Variants in CUL4A observed in about 807,000 individuals in gnomAD.
The protein encoded by CUL4A is cullin-4A.
CUL4A carries 16 observed loss-of-function variants against 95.5 expected under a neutral mutation model. The ratio of observed to expected loss-of-function variants is 0.17; its 90% CI spans 0.11 to 0.25. CUL4A has a LOEUF of 0.25. Among genes scored for constraint, CUL4A ranks in the 10% least tolerant of loss-of-function variants. The pLI is 1.00. For missense variants in CUL4A, 610 were observed against 937.0 expected, an observed-to-expected ratio of 0.65 and a Z score of 4.56; for synonymous variants, 380 against 353.1, an observed-to-expected ratio of 1.08 and a Z score of -0.85.
intron 10 of CUL4A, among the ~76,000 whole-genome samples, chr13:113,241,236 A>AGTTCACC (rs2041700979): frequency 6.6e-6 from 1 of 152,238 alleles, no homozygotes; most frequent in African/African-American, 2.4e-5. Context: ...AACTAGGAAA[A>AGTTCACC]GTTCACCTTT....
At chr13:113,209,888 G>A (rs1052364232) in intron 1 of CUL4A, 85 bp from the exon 2 acceptor site, 1 of 1,201,954 alleles carries the variant, frequency 8.3e-7, no homozygotes, top group Non-Finnish European at 1.0e-6. Context: ...GAGCGGGGGC[G>A]CCGGGGCGCC....
chr13:113,233,211 A>G lies in CUL4A; in HGVS notation c.547A>G (p.Ile183Val). ...MGLELFRTHI[I>V]SDKMVQSKTI... is the part of the protein sequence containing the mutation. ...ATTAGAACTGTTTAGAACCCATATT[A>G]TTAGTGATAAAATGGTTCAGAGTAA... Residue 183 changes from isoleucine (I) to valine (V), a missense_variant, in exon 6 of 20, where the codon ATT (isoleucine) becomes GTT (valine). Ile to Val is a conservative substitution (Grantham distance 29). This residue lies in a region of CUL4A where 97 missense variants were observed against 100.3 expected (regional missense o/e 0.97). Transcript: ENST00000375440. The G allele has an allele frequency of 8.7e-6, 14 of 1,614,148 alleles. No individual in the cohort carries two copies. The highest frequency in any genetic ancestry group is 1.2e-5 in the Non-Finnish European group (14 of 1,179,996).
chr13:113,211,369 C>T (rs1399182472), intron 2 of CUL4A, among the ~76,000 whole-genome samples: 2 of 152,126 alleles, frequency 1.3e-5, no homozygotes, highest in African/African-American at 2.4e-5. Flanking sequence ...ATTTGGGTGT[C>T]CATGTTTGGG....
chr13:113,238,891 T>G (rs1163866743), intron 9 of CUL4A, among the ~76,000 whole-genome samples: 1 of 152,236 alleles, frequency 6.6e-6, no homozygotes, highest in Non-Finnish European at 1.5e-5. Context: ...CTATGAGAGT[T>G]TTTCTCATTG....
intron 9 of CUL4A, among the ~76,000 whole-genome samples, chr13:113,238,377 G>A (rs995138624): frequency 6.6e-6 from 1 of 151,882 alleles, no homozygotes; most frequent in Admixed American, 6.6e-5. Flanking sequence ...CTTTGGCCCA[G>A]GGGGTTAAGG....
chr13:113,224,478 G>T (rs2041028151), intron 3 of CUL4A, among the ~76,000 whole-genome samples: 1 of 152,222 alleles, frequency 6.6e-6, no homozygotes, highest in African/African-American at 2.4e-5. Flanking sequence ...GCCACAGAAT[G>T]CCAGGCAGTG....
intron 5 of CUL4A, among the ~76,000 whole-genome samples, chr13:113,230,441 A>G (rs544027203): frequency 3.3e-4 from 51 of 152,298 alleles, no homozygotes; most frequent in African/African-American, 1.2e-3. Flanking sequence ...GCTCCCATTA[A>G]TGCCATTTGC....
chr13:113,251,046 G>T (rs544551404), intron 15 of CUL4A, among the ~76,000 whole-genome samples: 3 of 152,322 alleles, frequency 2.0e-5, no homozygotes, highest in East Asian at 3.9e-4. Context: ...GTCAAGTCTA[G>T]AGAGCAGCAG....
intron 18 of CUL4A, among the ~76,000 whole-genome samples, chr13:113,256,182 A>G (rs2042115434): frequency 6.6e-6 from 1 of 152,162 alleles, no homozygotes; most frequent in African/African-American, 2.4e-5. Context: ...ACCTGGGATC[A>G]CTGTACATAT....
intron 2 of CUL4A, 76 bp from the exon 3 acceptor site, chr13:113,218,869 A>AT: frequency 2.2e-6 from 2 of 920,870 alleles, no homozygotes; most frequent in South Asian, 3.1e-5. Flanking sequence ...GATTACAGCT[A>AT]TGTTAACAAT....
intron 2 of CUL4A, among the ~76,000 whole-genome samples, chr13:113,214,684 C>T (rs1436525569): frequency 6.6e-6 from 1 of 152,130 alleles, no homozygotes; most frequent in Admixed American, 6.5e-5. Flanking sequence ...GCCAGGCTGT[C>T]TTTCTTGAGT....
intron 11 of CUL4A, among the ~76,000 whole-genome samples, chr13:113,243,998 G>A (rs993851768): frequency 1.3e-5 from 2 of 151,006 alleles, no homozygotes; most frequent in African/African-American, 2.4e-5. Context: ...TTCACCCTGC[G>A]TTGCCACCTT....
chr13:113,239,618 A>G, intron 10 of CUL4A, 67 bp downstream of exon 10: 2 of 1,219,778 alleles, frequency 1.6e-6, no homozygotes, highest in South Asian at 2.8e-5. Flanking sequence ...CCTCCTGAGA[A>G]CGCCTAGTGT....
chr13:113,230,809 T>C lies in CUL4A; in HGVS notation c.512+1290T>C, dbSNP rs752646851. Among the ~76,000 whole-genome samples, 376 of 152,256 alleles carry C rather than the reference T, an allele frequency of 2.5e-3. 3 individuals carry two copies. Among genetic ancestry groups the C allele is most frequent in the Admixed American group, 6.6e-3 (101 of 15,288 alleles). ...TTTTAGAGACAGGGTCTCACTCTGT[T>C]ACCCAGGCTGGAGTGCAGTGGCACA... On this transcript the variant is annotated intron_variant, in intron 5 of 19. Transcript: ENST00000375440.
At chr13:113,208,727 C>T (rs1272852323), upstream of CUL4A, 1 of 1,493,328 alleles carries the variant, frequency 6.7e-7, no homozygotes, top group Non-Finnish European at 8.9e-7. Flanking sequence ...GGTCCTGGCG[C>T]CCCCGGCCCC....
At chr13:113,209,364 G>T (rs1256818330), upstream of CUL4A, among the ~76,000 whole-genome samples, 3 of 148,786 alleles carry the variant, frequency 2.0e-5, no homozygotes, top group Non-Finnish European at 3.0e-5. Flanking sequence ...CCCTCAGGAC[G>T]GGAGTCCCGG....
At chr13:113,262,186 A>G (rs2042298684) in intron 19 of CUL4A, among the ~76,000 whole-genome samples, 1 of 152,254 alleles carries the variant, frequency 6.6e-6, no homozygotes, top group African/African-American at 2.4e-5. Flanking sequence ...GTAAGTGCTC[A>G]CACAGATTTT....
chr13:113,209,858 G>T, intron 1 of CUL4A, 83 bp downstream of exon 1: 1 of 1,095,802 alleles, frequency 9.1e-7, no homozygotes, highest in Non-Finnish European at 1.1e-6. Context: ...GGAAGGCCCC[G>T]AGATCCGTGC....
rs572623761 is a variant in CUL4A, at chr13:113,249,785, T to C, written c.1639-3297T>C. Reference sequence around the variant, plus strand: ...TGATCTGCCTCTTTCGTTGTAGCCATCCCTGTCCATATGAGCTGGTCTCTC... The same window carrying C: ...TGATCTGCCTCTTTCGTTGTAGCCACCCCTGTCCATATGAGCTGGTCTCTC... On this transcript the variant is annotated intron_variant, in intron 15 of 19. Coordinates refer to ENST00000375440, the MANE Select transcript of CUL4A (RefSeq NM_001008895.4). Among the ~76,000 whole-genome samples the C allele has an allele frequency of 1.5e-3, 233 of 152,330 alleles. 1 individual carries two copies. Among genetic ancestry groups the C allele is most frequent in the Middle Eastern group, 6.8e-3 (2 of 294 alleles).
Sources: gnomAD v4.1 joint callset for allele counts (sites outside exome capture counted in the v4.1 genomes callset) on GRCh38, gnomAD v4.1.1 for gene constraint, gnomAD v4.1.1 regional missense constraint, MANE v1.5 for transcripts, NCBI Gene and HGNC (gene_info 2026-07-23, HGNC 2026-07-21) for gene names.